The following SLX4IP variants were observed in gnomAD, a reference collection of about 807,000 sequenced individuals.
SLX4IP encodes the protein protein SLX4IP.
SLX4IP carries 34 observed loss-of-function variants against 32.9 expected under a neutral mutation model. The ratio of observed to expected loss-of-function variants is 1.03; its 90% CI spans 0.79 to 1.38. The LOEUF (loss-of-function observed/expected upper bound fraction) is 1.38. SLX4IP is among the 40% of genes most tolerant of loss of function. The pLI is 0.00. For synonymous variants in SLX4IP, 172 were observed against 171.7 expected (o/e 1.00, Z -0.01); for missense variants, 444 against 479.0 (o/e 0.93, Z 0.68).
intron 1 of SLX4IP, among the ~76,000 whole-genome samples, chr20:10,444,869 A>G (rs1283962131): frequency 6.6e-6 from 1 of 152,100 alleles, no homozygotes; most frequent in Non-Finnish European, 1.5e-5. Context: ...AGGTTCCAAC[A>G]TATAAATTTG....
At position 10,443,260 on chromosome 20, in the gene SLX4IP, T is replaced by C. The variant is rs2065172911; in HGVS notation, c.-30+7807T>C. On this transcript the variant is annotated intron_variant, in intron 1 of 7. Transcript: ENST00000334534. ...AAAAACAAAAAACCACATTCTGATT[T>C]AGTAACATCAATGGACCCAAGTCAG... 2.0e-5 allele frequency among the ~76,000 whole-genome samples: 3 copies of C among 152,174 alleles called. No homozygotes were observed. The South Asian group carries it at 6.2e-4, about 31-fold the overall frequency.
At chr20:10,490,977 T>C (rs1009723732) in intron 2 of SLX4IP, among the ~76,000 whole-genome samples, 11 of 152,024 alleles carry the variant, frequency 7.2e-5, no homozygotes, top group African/African-American at 2.7e-4. Context: ...GCAAGCTACT[T>C]GTAATTCCAC....
At chr20:10,497,771 C>T (rs1017477008) in intron 2 of SLX4IP, among the ~76,000 whole-genome samples, 1 of 151,974 alleles carries the variant, frequency 6.6e-6, no homozygotes, top group African/African-American at 2.4e-5. Flanking sequence ...TAGAATTCTT[C>T]ATATACTTTG....
intron 4 of SLX4IP, among the ~76,000 whole-genome samples, chr20:10,596,444 G>A (rs2066772334): frequency 6.6e-6 from 1 of 151,948 alleles, no homozygotes; most frequent in Admixed American, 6.6e-5. Flanking sequence ...TCCCAGGCTG[G>A]TCTCGAGCTC....
At chr20:10,571,875 G>A (rs1212928546) in intron 4 of SLX4IP, among the ~76,000 whole-genome samples, 1 of 152,140 alleles carries the variant, frequency 6.6e-6, no homozygotes, top group Non-Finnish European at 1.5e-5. Flanking sequence ...TTATTGAATA[G>A]CTTTTCTCAT....
At chr20:10,480,965 A>G (rs2122380714) in intron 2 of SLX4IP, among the ~76,000 whole-genome samples, 1 of 152,256 alleles carries the variant, frequency 6.6e-6, no homozygotes, top group Middle Eastern at 3.4e-3. Flanking sequence ...CCAACTTAAT[A>G]TCTCCCTATT....
chr20:10,584,941 G>A (rs939834141), intron 4 of SLX4IP, among the ~76,000 whole-genome samples: 1 of 151,780 alleles, frequency 6.6e-6, no homozygotes, highest in Non-Finnish European at 1.5e-5. Context: ...TAAGAGGAAT[G>A]TCTGTTACAG....
At chr20:10,441,378 A>G (rs930168823) in intron 1 of SLX4IP, among the ~76,000 whole-genome samples, 1 of 152,184 alleles carries the variant, frequency 6.6e-6, no homozygotes, top group Admixed American at 6.5e-5. Context: ...TTGAGGTTTC[A>G]GTGAGCCGTG....
intron 1 of SLX4IP, among the ~76,000 whole-genome samples, chr20:10,450,492 G>A (rs759016365): frequency 6.6e-5 from 10 of 152,008 alleles, no homozygotes; most frequent in African/African-American, 2.2e-4. Context: ...TTACACTTGC[G>A]TCTAAATGGG....
chr20:10,458,685 C>T (rs1241062366), intron 2 of SLX4IP, among the ~76,000 whole-genome samples: 1 of 152,182 alleles, frequency 6.6e-6, no homozygotes, highest in Non-Finnish European at 1.5e-5. Flanking sequence ...CTGCAAAGGA[C>T]ATGATTTTGT....
rs1402031889 is a variant in SLX4IP at position 10,574,266 on chromosome 20, G to C, written c.238+13446G>C. 2.0e-5 allele frequency among the ~76,000 whole-genome samples: 3 copies of C among 152,144 alleles called. No individual in the cohort carries two copies. In the East Asian group the frequency reaches 5.8e-4, roughly 29 times the overall value. ...ACGTGATGTACAAATCTTCCAGAAA[G>C]GTTAGAATTGTTTTGACCAGAGGTT... On this transcript the variant is annotated intron_variant, in intron 4 of 7. Coordinates refer to ENST00000334534, the MANE Select transcript of SLX4IP (RefSeq NM_001009608.3).
chr20:10,482,372 TTC>T (rs1408103986), intron 2 of SLX4IP, among the ~76,000 whole-genome samples: 2 of 152,218 alleles, frequency 1.3e-5, no homozygotes, highest in African/African-American at 2.4e-5. Flanking sequence ...CTTTCATGCA[TTC>T]TATTTGTTTT....
At chr20:10,481,417 G>A (rs904253910) in intron 2 of SLX4IP, among the ~76,000 whole-genome samples, 6 of 152,046 alleles carry the variant, frequency 3.9e-5, no homozygotes, top group African/African-American at 1.2e-4. Context: ...TCAGGGATCT[G>A]TTCTCCTATT....
chr20:10,600,405 A>G (rs759676466), intron 5 of SLX4IP, among the ~76,000 whole-genome samples: 3 of 152,178 alleles, frequency 2.0e-5, no homozygotes, highest in Non-Finnish European at 2.9e-5. Flanking sequence ...GTTTTTGAGC[A>G]GGATGAGTGG....
intron 1 of SLX4IP, among the ~76,000 whole-genome samples, chr20:10,438,405 T>G (rs940066885): frequency 7.3e-5 from 11 of 151,228 alleles, no homozygotes; most frequent in African/African-American, 2.7e-4. Flanking sequence ...CTCCAGCCAC[T>G]CCTCTTCCAG....
At chr20:10,592,409 C>T (rs892236973) in intron 4 of SLX4IP, among the ~76,000 whole-genome samples, 2 of 151,850 alleles carry the variant, frequency 1.3e-5, no homozygotes, top group Non-Finnish European at 2.9e-5. Context: ...TTCCAAAGGC[C>T]CCATCAAGGC....
chr20:10,616,993 A>G (rs2067042257), intron 6 of SLX4IP, among the ~76,000 whole-genome samples: 1 of 152,184 alleles, frequency 6.6e-6, no homozygotes, highest in African/African-American at 2.4e-5. Context: ...GTGTGCCTTT[A>G]GGGCAGAAGT....
At chr20:10,486,498 C>T (rs574356191) in intron 2 of SLX4IP, among the ~76,000 whole-genome samples, 1 of 152,284 alleles carries the variant, frequency 6.6e-6, no homozygotes, top group East Asian at 1.9e-4. Context: ...ACCCTCACAA[C>T]ACCCTGGTAA....
intron 2 of SLX4IP, among the ~76,000 whole-genome samples, chr20:10,541,489 T>C (rs2066105828): frequency 6.6e-6 from 1 of 152,276 alleles, no homozygotes; most frequent in Non-Finnish European, 1.5e-5. Flanking sequence ...CTAGTTTATA[T>C]GTAGCTGTTT....
Sources: gnomAD v4.1 joint callset for allele counts (sites outside exome capture counted in the v4.1 genomes callset) on GRCh38, gnomAD v4.1.1 for gene constraint, MANE v1.5 for transcripts, NCBI Gene and HGNC (gene_info 2026-07-23, HGNC 2026-07-21) for gene names.